Variants in SLC35F1 observed in about 807,000 individuals in gnomAD.
The protein encoded by SLC35F1 is chromosome 6 open reading frame 169.
A neutral mutation model predicts 48.7 loss-of-function variants in SLC35F1; 14 were observed. The observed-to-expected ratio is 0.29, with a 90% confidence interval of 0.19 to 0.45. The LOEUF (loss-of-function observed/expected upper bound fraction) is 0.45. SLC35F1 is among the 20% of genes least tolerant of loss of function. SLC35F1 has a pLI of 1.00. For missense variants in SLC35F1, 404 were observed against 500.0 expected (o/e 0.81, Z 1.83); for synonymous variants, 190 against 202.2 (o/e 0.94, Z 0.51).
At chr6:118,161,217 C>A (rs1419455721) in intron 2 of SLC35F1, among the ~76,000 whole-genome samples, 1 of 152,074 alleles carries the variant, frequency 6.6e-6, no homozygotes, top group African/African-American at 2.4e-5. Context: ...CTCACCTCCC[C>A]AGATCCGTGA....
chr6:118,142,955 A>T (rs922347149), intron 1 of SLC35F1, among the ~76,000 whole-genome samples: 4 of 152,124 alleles, frequency 2.6e-5, no homozygotes, highest in African/African-American at 9.7e-5. Flanking sequence ...CTACTTATTT[A>T]TCCAGGTTCT....
intron 1 of SLC35F1, among the ~76,000 whole-genome samples, chr6:117,985,700 A>G (rs970475772): frequency 3.2e-4 from 49 of 152,328 alleles, no homozygotes; most frequent in African/African-American, 1.2e-3. Flanking sequence ...CCATTGACTC[A>G]TTTCTTTTTG....
chr6:118,025,793 T>C (rs1161175893), intron 1 of SLC35F1, among the ~76,000 whole-genome samples: 2 of 152,210 alleles, frequency 1.3e-5, no homozygotes, highest in Admixed American at 6.5e-5. Flanking sequence ...TTTTAGTTGA[T>C]AGTTTTCAAA....
intron 1 of SLC35F1, among the ~76,000 whole-genome samples, chr6:118,025,517 C>A (rs562940259): frequency 6.6e-6 from 1 of 152,262 alleles, no homozygotes; most frequent in African/African-American, 2.4e-5. Context: ...GGAAGGAAGT[C>A]ACCATGTACA....
chr6:117,931,262 C>T (rs954161640), intron 1 of SLC35F1, among the ~76,000 whole-genome samples: 6 of 152,162 alleles, frequency 3.9e-5, no homozygotes, highest in African/African-American at 1.4e-4. Flanking sequence ...TAAAAAACTA[C>T]TTGCTCCTTT....
chr6:118,312,126 T>C (rs1469102247), intron 7 of SLC35F1, among the ~76,000 whole-genome samples: 1 of 152,210 alleles, frequency 6.6e-6, no homozygotes, highest in East Asian at 1.9e-4. Context: ...CAGTGATAAC[T>C]ATAAAGCGCT....
chr6:117,987,295 C>T (rs1238061191), intron 1 of SLC35F1, among the ~76,000 whole-genome samples: 1 of 123,114 alleles, frequency 8.1e-6, no homozygotes, highest in Non-Finnish European at 1.8e-5. Context: ...CCTTCTTTCC[C>T]TTCTTTTTTT....
chr6:118,305,539 C>T (rs1776302609), intron 7 of SLC35F1, among the ~76,000 whole-genome samples: 1 of 152,028 alleles, frequency 6.6e-6, no homozygotes, highest in South Asian at 2.1e-4. Context: ...TAATAAGGTG[C>T]TATTTTTGCC....
At chr6:117,950,922 A>G (rs986519479) in intron 1 of SLC35F1, among the ~76,000 whole-genome samples, 2 of 152,324 alleles carry the variant, frequency 1.3e-5, no homozygotes, top group Non-Finnish European at 2.9e-5. Flanking sequence ...AAATGGAAAT[A>G]AATTTTTTTC....
intron 5 of SLC35F1, among the ~76,000 whole-genome samples, chr6:118,276,421 G>A (rs942546964): frequency 6.6e-6 from 1 of 152,150 alleles, no homozygotes; most frequent in African/African-American, 2.4e-5. Context: ...AATTGCATGG[G>A]TTCAGTGTCT....
chr6:117,940,702 ACAG>A, intron 1 of SLC35F1, among the ~76,000 whole-genome samples: 2 of 151,812 alleles, frequency 1.3e-5, no homozygotes, highest in Non-Finnish European at 2.9e-5. Flanking sequence ...AGGCTGTAGT[ACAG>A]TGGCATAATC....
chr6:118,247,157 T>C (rs944144388), intron 3 of SLC35F1, among the ~76,000 whole-genome samples: 5 of 152,218 alleles, frequency 3.3e-5, no homozygotes, highest in African/African-American at 1.2e-4. Context: ...CTCTTACTCT[T>C]GGATAACAAA....
At position 118,256,204 on chromosome 6, in the gene SLC35F1, T is replaced by TGG. The variant is rs1431910567; in HGVS notation, c.478-10790_478-10789dup. 9.1e-4 allele frequency among the ~76,000 whole-genome samples: 106 copies of TGG among 117,120 alleles called. 1 individual carries two copies. The highest frequency in any genetic ancestry group is 3.8e-3 in the African/African-American group (102 of 26,720). 76.8% of individuals were successfully genotyped at this position (117,120 alleles called of 152,430 possible). ...GGCCTGTCAGCTTAAAGAAGACTTC[T>TGG]GGTGTGTGTGTGTGTGTGTGTGTGT... On this transcript the variant is annotated intron_variant, in intron 3 of 7. Transcript: ENST00000360388.
In SLC35F1 at chr6:118,018,295, C is replaced by T. The variant is rs192238530; in HGVS notation, c.173+110396C>T. On this transcript the variant is annotated intron_variant, in intron 1 of 7. Transcript: ENST00000360388. ...TTGAGGCAGGAGAATTGCTTGAACC[C>T]GGGAGGCGGAGGTTGCAGTGAGCTG... 7.3e-3 allele frequency among the ~76,000 whole-genome samples: 1,110 copies of T among 151,804 alleles called. 12 individuals carry two copies. Among genetic ancestry groups the T allele is most frequent in the Middle Eastern group, 0.024 (7 of 292 alleles).
chr6:118,152,661 A>G (rs867956182), intron 1 of SLC35F1, among the ~76,000 whole-genome samples: 8 of 152,194 alleles, frequency 5.3e-5, no homozygotes, highest in African/African-American at 1.9e-4. Flanking sequence ...GAAGCTGTAG[A>G]GCTTTGTAAG....
chr6:118,079,478 A>G (rs962553762), intron 1 of SLC35F1, among the ~76,000 whole-genome samples: 2 of 152,148 alleles, frequency 1.3e-5, no homozygotes, highest in African/African-American at 4.8e-5. Context: ...GTGCACAATT[A>G]TCTGCTTGAG....
chr6:118,287,020 G>A (rs1776059724), intron 7 of SLC35F1, among the ~76,000 whole-genome samples: 1 of 152,090 alleles, frequency 6.6e-6, no homozygotes, highest in Non-Finnish European at 1.5e-5. Flanking sequence ...TGGCAAAACC[G>A]AGAGCTTAAA....
chr6:118,176,877 T>G (rs930060710), intron 2 of SLC35F1, among the ~76,000 whole-genome samples: 1 of 124,556 alleles, frequency 8.0e-6, no homozygotes, highest in Non-Finnish European at 1.5e-5. Flanking sequence ...TTTGTGCTTG[T>G]TTTTTTTGTA....
chr6:118,042,860 G>C (rs1215845242), intron 1 of SLC35F1, among the ~76,000 whole-genome samples: 1 of 152,144 alleles, frequency 6.6e-6, no homozygotes, highest in Non-Finnish European at 1.5e-5. Flanking sequence ...CTTTTGGAAG[G>C]GCTGGCTTGG....
Sources: allele counts gnomAD v4.1 joint callset (sites outside exome capture counted in the v4.1 genomes callset), GRCh38; gene constraint gnomAD v4.1.1; transcripts MANE v1.5; gene names NCBI Gene and HGNC (gene_info 2026-07-23, HGNC 2026-07-21).